The following DENND1A variants were observed in gnomAD, a reference collection of about 807,000 sequenced individuals.
The protein encoded by DENND1A is DENN domain containing 1A.
In DENND1A, 51 loss-of-function variants were observed where a neutral mutation model predicts 113.7. The observed-to-expected ratio is 0.45, with a 90% confidence interval of 0.36 to 0.57. DENND1A has a LOEUF of 0.57. DENND1A is among the 20% of genes least tolerant of loss of function. DENND1A has a pLI of 0.00. For synonymous variants in DENND1A, 565 were observed against 570.8 expected (o/e 0.99, Z 0.14); for missense variants, 1,258 against 1,395.9 (o/e 0.90, Z 1.57).
intron 5 of DENND1A, among the ~76,000 whole-genome samples, chr9:123,728,156 G>A (rs1462598689): frequency 6.6e-6 from 1 of 150,420 alleles, no homozygotes; most frequent in Non-Finnish European, 1.5e-5. Flanking sequence ...CTATGTTCAT[G>A]GACTGAAAGA....
At chr9:123,456,398 G>A (rs1413054611) in intron 15 of DENND1A, among the ~76,000 whole-genome samples, 1 of 152,146 alleles carries the variant, frequency 6.6e-6, no homozygotes, top group African/African-American at 2.4e-5. Context: ...TCAGGAGGTA[G>A]ACTCAGCCAC....
At chr9:123,580,658 T>C (rs1003756688) in intron 12 of DENND1A, among the ~76,000 whole-genome samples, 3 of 152,208 alleles carry the variant, frequency 2.0e-5, no homozygotes, top group Admixed American at 6.5e-5. Flanking sequence ...GAGATATCCA[T>C]GGCTTCAAGA....
At chr9:123,420,326 C>G (rs903834187) in intron 19 of DENND1A, among the ~76,000 whole-genome samples, 1 of 152,216 alleles carries the variant, frequency 6.6e-6, no homozygotes, top group African/African-American at 2.4e-5. Flanking sequence ...AGGTAGGACG[C>G]AGAGAGGTCG....
At chr9:123,819,254 A>G (rs1246133319) in intron 2 of DENND1A, among the ~76,000 whole-genome samples, 1 of 152,210 alleles carries the variant, frequency 6.6e-6, no homozygotes, top group East Asian at 1.9e-4. Context: ...ACATGCACAC[A>G]CACAAAAGTA....
intron 13 of DENND1A, among the ~76,000 whole-genome samples, chr9:123,536,179 T>C (rs2055750363): frequency 6.6e-6 from 1 of 152,138 alleles, no homozygotes; most frequent in Non-Finnish European, 1.5e-5. Flanking sequence ...TCAGCACAAG[T>C]AGACCTCAAA....
intron 2 of DENND1A, among the ~76,000 whole-genome samples, chr9:123,871,338 C>T (rs566595404): frequency 6.6e-6 from 1 of 152,286 alleles, no homozygotes; most frequent in Non-Finnish European, 1.5e-5. Flanking sequence ...CCTGCCTCAG[C>T]CTCCCAAAGT....
At chr9:123,457,519 A>C in intron 14 of DENND1A, 84 bp from the exon 15 acceptor site, 1 of 1,129,920 alleles carries the variant, frequency 8.9e-7, no homozygotes, top group Non-Finnish European at 1.3e-6. Flanking sequence ...TACTGTATCC[A>C]AGGTAGGAGT....
intron 3 of DENND1A, among the ~76,000 whole-genome samples, chr9:123,773,239 A>C (rs1829993765): frequency 6.6e-6 from 1 of 152,192 alleles, no homozygotes; most frequent in Non-Finnish European, 1.5e-5. Flanking sequence ...ACATCTACAA[A>C]GCTCTGCCCA....
chr9:123,539,865 A>G (rs1480485822), intron 13 of DENND1A, among the ~76,000 whole-genome samples: 2 of 150,358 alleles, frequency 1.3e-5, no homozygotes, highest in Non-Finnish European at 3.0e-5. Context: ...CCTGGGTGAA[A>G]AAGTGAGACT....
At chr9:123,473,811 C>T (rs942962558) in intron 13 of DENND1A, among the ~76,000 whole-genome samples, 1 of 152,040 alleles carries the variant, frequency 6.6e-6, no homozygotes, top group South Asian at 2.1e-4. Context: ...CCTAAATCTC[C>T]GTTTAGGCCC....
intron 5 of DENND1A, among the ~76,000 whole-genome samples, chr9:123,740,598 GA>G (rs979139717): frequency 5.4e-5 from 8 of 149,506 alleles, no homozygotes; most frequent in Non-Finnish European, 8.9e-5. Context: ...TTCCTTCTTA[GA>G]AAAAAAAAAT....
chr9:123,616,136 C>T (rs896751554), intron 10 of DENND1A, among the ~76,000 whole-genome samples: 1 of 152,162 alleles, frequency 6.6e-6, no homozygotes, highest in Non-Finnish European at 1.5e-5. Context: ...CACCATGTTG[C>T]CCAGCTTGGT....
At chr9:123,416,427 C>T (rs545986002) in intron 19 of DENND1A, among the ~76,000 whole-genome samples, 17 of 152,318 alleles carry the variant, frequency 1.1e-4, no homozygotes, top group South Asian at 4.1e-4. Context: ...CTCTTTCCAC[C>T]GCTGAAGGAA....
At chr9:123,435,282 G>A (rs533562083) in intron 19 of DENND1A, among the ~76,000 whole-genome samples, 10 of 152,224 alleles carry the variant, frequency 6.6e-5, no homozygotes, top group South Asian at 2.1e-4. Flanking sequence ...TTGCTAGCTC[G>A]GCATCTTCTC....
At chr9:123,586,606 T>C (rs2059176326) in intron 11 of DENND1A, among the ~76,000 whole-genome samples, 1 of 152,168 alleles carries the variant, frequency 6.6e-6, no homozygotes, top group Non-Finnish European at 1.5e-5. Context: ...TGGCAAGGCC[T>C]CTTCCAAAAG....
intron 9 of DENND1A, among the ~76,000 whole-genome samples, chr9:123,642,701 G>A (rs536296370): frequency 6.6e-6 from 1 of 152,276 alleles, no homozygotes; most frequent in African/African-American, 2.4e-5. Context: ...TTGTTCCTAC[G>A]GCTGGAACAT....
At chr9:123,447,380 TCA>T (rs2047382292) in intron 18 of DENND1A, among the ~76,000 whole-genome samples, 1 of 152,152 alleles carries the variant, frequency 6.6e-6, no homozygotes. Context: ...TTGCCAATGG[TCA>T]CACAGATATC....
At chr9:123,569,182 T>C (rs1286770645) in intron 12 of DENND1A, among the ~76,000 whole-genome samples, 1 of 152,114 alleles carries the variant, frequency 6.6e-6, no homozygotes, top group Non-Finnish European at 1.5e-5. Flanking sequence ...GTAGCAGTTG[T>C]GAAAAAGAAG....
intron 5 of DENND1A, among the ~76,000 whole-genome samples, chr9:123,749,554 C>T (rs2069823421): frequency 6.6e-6 from 1 of 152,102 alleles, no homozygotes; most frequent in South Asian, 2.1e-4. Context: ...CATAAGATTG[C>T]TATAAAAATA....
Sources: gnomAD v4.1 joint callset for allele counts (sites outside exome capture counted in the v4.1 genomes callset) on GRCh38, gnomAD v4.1.1 for gene constraint, MANE v1.5 for transcripts, NCBI Gene and HGNC (gene_info 2026-07-23, HGNC 2026-07-21) for gene names.